Variants in LYZL1 observed in about 807,000 individuals in gnomAD.
LYZL1 encodes the protein lysozyme like 1.
In LYZL1, 16 loss-of-function variants were observed where a neutral mutation model predicts 17.9. That is an observed-to-expected ratio of 0.90 (90% CI 0.61 to 1.36). The LOEUF (loss-of-function observed/expected upper bound fraction) is 1.36, where lower values mean the gene tolerates loss of function less well. Among genes scored for constraint, LYZL1 ranks in the 40% most tolerant of loss-of-function variants. LYZL1 has a pLI of 0.00. For synonymous variants in LYZL1, 58 were observed against 71.8 expected (o/e 0.81, Z 0.97); for missense variants, 149 against 188.4 (o/e 0.79, Z 1.22).
At chr10:29,314,663 C>T (rs1835708546), downstream of LYZL1, among the ~76,000 whole-genome samples, 1 of 152,166 alleles carries the variant, frequency 6.6e-6, no homozygotes, top group Non-Finnish European at 1.5e-5. Context: ...TACCACTGGA[C>T]ACATGTGGAA....
At chr10:29,303,619 G>A (rs1228478220) in intron 3 of LYZL1, among the ~76,000 whole-genome samples, 2 of 152,140 alleles carry the variant, frequency 1.3e-5, no homozygotes, top group Non-Finnish European at 2.9e-5. Flanking sequence ...AGTGTTGGAC[G>A]GTTCATGGTC....
exon 4 of LYZL1, chr10:29,317,320 C>T (rs1441405556): frequency 1.3e-5 from 2 of 152,204 alleles, no homozygotes; most frequent in Non-Finnish European, 1.5e-5. Context: ...AAGTCCTCAG[C>T]ACATGTTCTT....
Position 29,292,658 on chromosome 10 carries a change from C to T in LYZL1, c.279C>T (p.His93=), listed in dbSNP as rs1316774991. The T allele has an allele frequency of 3.7e-6, 6 of 1,613,910 alleles. No individual in the cohort carries two copies. The highest frequency in any genetic ancestry group is 3.3e-5 in the South Asian group (3 of 91,048). ...GCGGAAAGCTGAAGGAGAACAACCACTGCCATGTCGCCTGCTCAGGTGAGG... is the reference window on the plus strand; with the variant it reads ...GCGGAAAGCTGAAGGAGAACAACCATTGCCATGTCGCCTGCTCAGGTGAGG... ...CRRGKLKENN[H]CHVACSALIT... The change falls in exon 3 of 5, where the codon CAC becomes CAT. Residue 93 remains histidine (H), a synonymous_variant. Transcript: ENST00000649382.
intron 3 of LYZL1, among the ~76,000 whole-genome samples, chr10:29,301,035 T>C (rs930772758): frequency 6.6e-6 from 1 of 152,026 alleles, no homozygotes; most frequent in Admixed American, 6.6e-5. Flanking sequence ...TTTTGCTGTG[T>C]CCCCACCGAA....
intron 3 of LYZL1, among the ~76,000 whole-genome samples, chr10:29,303,365 GT>G (rs1835547393): frequency 6.6e-6 from 1 of 152,126 alleles, no homozygotes; most frequent in African/African-American, 2.4e-5. Context: ...GGTTCACTGT[GT>G]TTTTCTCTCT....
chr10:29,304,085 A>G (rs774223445), intron 3 of LYZL1, among the ~76,000 whole-genome samples: 4 of 152,202 alleles, frequency 2.6e-5, no homozygotes, highest in Non-Finnish European at 4.4e-5. Context: ...GAAGCTGGAC[A>G]GTCTCCTCAC....
intron 3 of LYZL1, among the ~76,000 whole-genome samples, chr10:29,299,558 T>A (rs2132823138): frequency 6.6e-6 from 1 of 152,354 alleles, no homozygotes. Flanking sequence ...CATTTTAGTT[T>A]TGTCTATTTC....
At chr10:29,302,469 G>A (rs980749636) in intron 3 of LYZL1, among the ~76,000 whole-genome samples, 3 of 152,176 alleles carry the variant, frequency 2.0e-5, no homozygotes, top group African/African-American at 7.2e-5. Flanking sequence ...TAAACGGGTG[G>A]GAAGAGGTGT....
At chr10:29,296,058 G>A (rs1386223383) in intron 3 of LYZL1, among the ~76,000 whole-genome samples, 1 of 152,168 alleles carries the variant, frequency 6.6e-6, no homozygotes. Context: ...GAACTGTAAG[G>A]AAATTTTGCA....
In LYZL1 at chr10:29,292,682, G is replaced by A; in HGVS notation, c.298+5G>A. On this transcript the variant is annotated splice_donor_5th_base_variant and intron_variant, in intron 3 of 4. Coordinates refer to ENST00000649382, the MANE Select transcript of LYZL1 (RefSeq NM_032517.6). Reference sequence around the variant, plus strand: ...ACTGCCATGTCGCCTGCTCAGGTGAGGCTCTGACTTTCCAGTGATGCCATC... The same window carrying A: ...ACTGCCATGTCGCCTGCTCAGGTGAAGCTCTGACTTTCCAGTGATGCCATC... The A allele has an allele frequency of 6.2e-7, 1 of 1,609,970 alleles. No homozygotes were observed. The highest frequency in any genetic ancestry group is 8.5e-7 in the Non-Finnish European group (1 of 1,177,686).
chr10:29,313,370 C>T (rs1175714359), downstream of LYZL1, among the ~76,000 whole-genome samples: 1 of 152,198 alleles, frequency 6.6e-6, no homozygotes, highest in Non-Finnish European at 1.5e-5. Flanking sequence ...CCTTGCAGCC[C>T]CATTCTTAGC....
intron 3 of LYZL1, among the ~76,000 whole-genome samples, chr10:29,293,275 G>A (rs1221436941): frequency 6.6e-6 from 1 of 151,600 alleles, no homozygotes; most frequent in East Asian, 1.9e-4. Flanking sequence ...ATAGGCACAC[G>A]CCCGGCTATT....
chr10:29,291,207 G>A (rs957926297), intron 1 of LYZL1, among the ~76,000 whole-genome samples: 1 of 152,184 alleles, frequency 6.6e-6, no homozygotes, highest in African/African-American at 2.4e-5. Context: ...TATTTTTTAT[G>A]TTCTATGTCT....
intron 3 of LYZL1, among the ~76,000 whole-genome samples, chr10:29,308,210 G>C (rs1358024184): frequency 6.6e-6 from 1 of 152,210 alleles, no homozygotes; most frequent in Non-Finnish European, 1.5e-5. Flanking sequence ...CCTGCCACCT[G>C]CTTCAGGATT....
chr10:29,315,436 C>G (rs1208924834), downstream of LYZL1, among the ~76,000 whole-genome samples: 2 of 151,968 alleles, frequency 1.3e-5, no homozygotes, highest in African/African-American at 4.8e-5. Context: ...TGCTTGAACA[C>G]TGAGGCGGAG....
downstream of LYZL1, among the ~76,000 whole-genome samples, chr10:29,312,372 A>G (rs1835683327): frequency 1.3e-5 from 2 of 150,882 alleles, no homozygotes; most frequent in African/African-American, 4.9e-5. Context: ...TTAGAGCATT[A>G]TGAGATTTTT....
At chr10:29,293,004 C>T (rs146516596) in intron 3 of LYZL1, among the ~76,000 whole-genome samples, 2,965 of 152,218 alleles carry the variant, frequency 0.019, 52 homozygotes, top group Non-Finnish European at 0.03. Flanking sequence ...CAGCTGCTTT[C>T]CATAAGCAAT....
chr10:29,303,240 C>G (rs1489766255), intron 3 of LYZL1, among the ~76,000 whole-genome samples: 1 of 152,156 alleles, frequency 6.6e-6, no homozygotes, highest in African/African-American at 2.4e-5. Context: ...TCCACAAAAT[C>G]TGAGCTGCCT....
rs1164704596 is a variant in LYZL1, at chr10:29,309,036, A to G, written c.299-1074A>G. On this transcript the variant is annotated intron_variant, in intron 3 of 4. Transcript: ENST00000649382. ...AAAACTTAAAACTTTTTGCATATGAAAAACACCCTAGACTGGGTGCGATGG... is the reference window on the plus strand; with the variant it reads ...AAAACTTAAAACTTTTTGCATATGAGAAACACCCTAGACTGGGTGCGATGG... 5.9e-5 allele frequency among the ~76,000 whole-genome samples: 9 copies of G among 152,020 alleles called. No homozygotes were observed. In the East Asian group the frequency reaches 1.5e-3, roughly 26 times the overall value.
Sources: allele counts gnomAD v4.1 joint callset (sites outside exome capture counted in the v4.1 genomes callset), GRCh38; gene constraint gnomAD v4.1.1; transcripts MANE v1.5; gene names NCBI Gene and HGNC (gene_info 2026-07-23, HGNC 2026-07-21).